GALNT13: variants seen among roughly 807,000 people sequenced by gnomAD.
GALNT13 encodes the protein UDP-GalNAc:polypeptide N-acetylgalactosaminyltransferase 13.
In GALNT13, 28 loss-of-function variants were observed where a neutral mutation model predicts 64.2. The observed-to-expected ratio is 0.44, with a 90% CI of 0.32 to 0.60. The LOEUF is 0.60. GALNT13 is among the 20% of genes least tolerant of loss of function. The pLI is 0.05. For synonymous variants in GALNT13, 214 were observed against 224.6 expected (o/e 0.95, Z 0.42); for missense variants, 577 against 669.8 (o/e 0.86, Z 1.53).
At chr2:153,480,210 CTT>C in the GALNT13 span, among the ~76,000 whole-genome samples, 20 of 152,166 alleles carry the variant, frequency 1.3e-4, no homozygotes, top group Non-Finnish European at 2.6e-4. Context: ...CAACTCTACT[CTT>C]AATTTCATTC....
At chr2:153,074,309 A>T in the GALNT13 span, among the ~76,000 whole-genome samples, 5 of 152,192 alleles carry the variant, frequency 3.3e-5, no homozygotes, top group African/African-American at 1.2e-4. Flanking sequence ...CATTTGAGTT[A>T]ACTATTTTTC....
chr2:154,305,978 A>C (rs1251737034), intron 9 of GALNT13, among the ~76,000 whole-genome samples: 3 of 152,164 alleles, frequency 2.0e-5, no homozygotes, highest in African/African-American at 7.2e-5. Context: ...AAAGAGAGCC[A>C]CATTTGTTTC....
At chr2:154,305,229 C>A (rs1390946154) in intron 9 of GALNT13, among the ~76,000 whole-genome samples, 1 of 152,052 alleles carries the variant, frequency 6.6e-6, no homozygotes, top group Non-Finnish European at 1.5e-5. Flanking sequence ...TCTTTGCTAT[C>A]CTCTGGAATT....
chr2:154,210,464 G>T (rs1378240706), intron 4 of GALNT13, among the ~76,000 whole-genome samples: 1 of 152,074 alleles, frequency 6.6e-6, no homozygotes, highest in African/African-American at 2.4e-5. Context: ...AGAAAAATAT[G>T]CCTTGAAGCC....
the GALNT13 span, among the ~76,000 whole-genome samples, chr2:153,350,233 C>A: frequency 3.9e-5 from 6 of 152,192 alleles, no homozygotes; most frequent in Middle Eastern, 3.4e-3. Context: ...TTAGAAGATA[C>A]GTAAAATCAG....
intron 10 of GALNT13, among the ~76,000 whole-genome samples, chr2:154,400,133 A>G (rs569945878): frequency 5.8e-4 from 88 of 152,298 alleles, no homozygotes; most frequent in African/African-American, 2.0e-3. Flanking sequence ...GTTAGAGTTG[A>G]ACTGTTAATG....
intron 2 of GALNT13, among the ~76,000 whole-genome samples, chr2:153,918,925 A>G (rs1007613683): frequency 7.9e-5 from 12 of 152,068 alleles, no homozygotes; most frequent in African/African-American, 1.9e-4. Flanking sequence ...TCACACCTCA[A>G]CACACTGAGG....
At chr2:153,306,332 G>T in the GALNT13 span, among the ~76,000 whole-genome samples, 1 of 152,156 alleles carries the variant, frequency 6.6e-6, no homozygotes, top group African/African-American at 2.4e-5. Context: ...TTTTCTGTCA[G>T]AATGTATTTA....
chr2:154,361,012 G>A (rs1054731400), intron 9 of GALNT13, among the ~76,000 whole-genome samples: 4 of 152,094 alleles, frequency 2.6e-5, no homozygotes, highest in African/African-American at 9.7e-5. Context: ...AATTTGGAAA[G>A]ATGGGTTATG....
chr2:153,156,901 G>A, the GALNT13 span, among the ~76,000 whole-genome samples: 1 of 152,146 alleles, frequency 6.6e-6, no homozygotes, highest in Non-Finnish European at 1.5e-5. Context: ...ACAAGGCACG[G>A]CATTAACTGT....
intron 4 of GALNT13, among the ~76,000 whole-genome samples, chr2:154,223,423 ATTAT>A (rs1226337747): frequency 2.2e-5 from 3 of 135,268 alleles, no homozygotes; most frequent in Admixed American, 2.2e-4. Context: ...GTTGAAATTT[ATTAT>A]TTATTTTCTT....
chr2:153,618,081 T>G, the GALNT13 span, among the ~76,000 whole-genome samples: 41 of 152,116 alleles, frequency 2.7e-4, no homozygotes, highest in African/African-American at 8.9e-4. Flanking sequence ...TTTGGTTTGC[T>G]TTTGATTTTC....
intron 4 of GALNT13, among the ~76,000 whole-genome samples, chr2:154,206,079 G>T (rs1162084529): frequency 6.6e-6 from 1 of 151,758 alleles, no homozygotes; most frequent in African/African-American, 2.4e-5. Flanking sequence ...CTCACTGCAA[G>T]CTTCACCTCC....
At chr2:154,288,219 C>T (rs1486270545) in intron 8 of GALNT13, among the ~76,000 whole-genome samples, 2 of 152,068 alleles carry the variant, frequency 1.3e-5, no homozygotes, top group Non-Finnish European at 2.9e-5. Flanking sequence ...ATGAGACTTA[C>T]TATCACAAGA....
At chr2:153,140,910 C>T in the GALNT13 span, among the ~76,000 whole-genome samples, 1 of 151,878 alleles carries the variant, frequency 6.6e-6, no homozygotes, top group Admixed American at 6.6e-5. Flanking sequence ...GTGTTTAATT[C>T]AACACCTTTC....
the GALNT13 span, among the ~76,000 whole-genome samples, chr2:153,703,834 A>G: frequency 6.6e-6 from 1 of 152,272 alleles, no homozygotes; most frequent in East Asian, 1.9e-4. Flanking sequence ...TGGAGAGAAC[A>G]CGCATCACTT....
intron 2 of GALNT13, among the ~76,000 whole-genome samples, chr2:153,920,163 T>C (rs1272995546): frequency 6.6e-6 from 1 of 151,846 alleles, no homozygotes; most frequent in African/African-American, 2.4e-5. Context: ...TCTCAGTAGG[T>C]GCACATGACT....
In GALNT13 at chr2:154,311,779, A is replaced by T. The variant is rs977501581; in HGVS notation, c.1156+10190A>T. Among the ~76,000 whole-genome samples, 10 of 152,290 alleles carry T rather than the reference A, an allele frequency of 6.6e-5. No homozygotes were observed. The East Asian group carries it at 1.9e-3, about 30-fold the overall frequency. On this transcript the variant is annotated intron_variant, in intron 9 of 12. Transcript: ENST00000392825. ...ACGCCCTGGGGGGGCCAGTTCAGAG[A>T]CCTACCCCTAGGTGCGCATTCTCTT...
chr2:153,117,432 G>A, the GALNT13 span, among the ~76,000 whole-genome samples: 2 of 152,206 alleles, frequency 1.3e-5, no homozygotes, highest in Admixed American at 1.3e-4. Context: ...TCATAAAGTG[G>A]AATGGCCACC....
Sources: gnomAD v4.1 joint callset for allele counts (sites outside exome capture counted in the v4.1 genomes callset) on GRCh38, gnomAD v4.1.1 for gene constraint, MANE v1.5 for transcripts, NCBI Gene and HGNC (gene_info 2026-07-23, HGNC 2026-07-21) for gene names.